Variants in ARHGAP12 observed in about 807,000 individuals in gnomAD.
The protein encoded by ARHGAP12 is rho GTPase-activating protein 12.
ARHGAP12 carries 64 observed loss-of-function variants against 108.6 expected under a neutral mutation model. The observed-to-expected ratio is 0.59, with a 90% CI of 0.48 to 0.73. ARHGAP12 has a LOEUF of 0.73. Among genes scored for constraint, ARHGAP12 ranks in the 30% least tolerant of loss-of-function variants. The pLI is 0.00. For missense variants in ARHGAP12, 940 were observed against 1,005.9 expected (o/e 0.93, Z 0.89); for synonymous variants, 312 against 337.2 (o/e 0.93, Z 0.82).
chr10:31,927,055 T>C (rs1272719991), intron 1 of ARHGAP12, among the ~76,000 whole-genome samples: 1 of 152,192 alleles, frequency 6.6e-6, no homozygotes, highest in Non-Finnish European at 1.5e-5. Context: ...ATTACACTTC[T>C]GGGGTTTCTT....
chr10:31,830,482 TAAAG>T (rs1166034181), intron 10 of ARHGAP12, among the ~76,000 whole-genome samples: 2 of 151,556 alleles, frequency 1.3e-5, no homozygotes, highest in Middle Eastern at 3.4e-3. Flanking sequence ...GAAAGAAAAA[TAAAG>T]ACTCAATTCA....
intron 10 of ARHGAP12, among the ~76,000 whole-genome samples, chr10:31,828,173 A>G (rs1054067296): frequency 1.4e-4 from 21 of 150,156 alleles, no homozygotes; most frequent in African/African-American, 4.7e-4. Flanking sequence ...TGCTACTGAT[A>G]TCCCTAGTCT....
At chr10:31,842,127 GA>G (rs922551683) in intron 7 of ARHGAP12, among the ~76,000 whole-genome samples, 16 of 151,578 alleles carry the variant, frequency 1.1e-4, no homozygotes, top group African/African-American at 3.9e-4. Flanking sequence ...TTATGATGTC[GA>G]AAAAAAGAAA....
intron 3 of ARHGAP12, among the ~76,000 whole-genome samples, chr10:31,874,195 T>C (rs1429028642): frequency 6.6e-6 from 1 of 152,210 alleles, no homozygotes; most frequent in African/African-American, 2.4e-5. Flanking sequence ...GATAAAAAAT[T>C]GATCCATAGT....
chr10:31,915,386 CAAAA>C (rs1387712452), intron 1 of ARHGAP12, among the ~76,000 whole-genome samples: 1 of 98,874 alleles, frequency 1.0e-5, no homozygotes. Context: ...AACTCTGTCT[CAAAA>C]AAAAAAAAAA....
At chr10:31,830,533 A>C (rs12248850) in intron 10 of ARHGAP12, among the ~76,000 whole-genome samples, 7,671 of 152,214 alleles carry the variant, frequency 0.05, 645 homozygotes, top group African/African-American at 0.17. Flanking sequence ...TAAGGGATAC[A>C]TAATTGTAGT....
At chr10:31,914,763 A>G (rs1839486790) in intron 1 of ARHGAP12, among the ~76,000 whole-genome samples, 2 of 152,370 alleles carry the variant, frequency 1.3e-5, no homozygotes, top group South Asian at 4.1e-4. Flanking sequence ...TGGAACTACT[A>G]TATGATCCAC....
rs545706235 is a variant in ARHGAP12 at position 31,821,792 on chromosome 10, A to G, written c.1531-1304T>C. On this transcript the variant is annotated intron_variant, in intron 11 of 19. Transcript: ENST00000344936. Reference sequence around the variant, plus strand: ...TTGTGGAATCATAATAAAAATCACAATAGAAATTGTAACTGTATTCTACAA... The same window carrying G: ...TTGTGGAATCATAATAAAAATCACAGTAGAAATTGTAACTGTATTCTACAA... 2.0e-5 allele frequency among the ~76,000 whole-genome samples: 3 copies of G among 152,312 alleles called. No homozygotes were observed. The East Asian group carries it at 5.8e-4, about 29-fold the overall frequency.
intron 1 of ARHGAP12, among the ~76,000 whole-genome samples, chr10:31,924,722 T>C (rs1367828268): frequency 2.0e-5 from 3 of 152,212 alleles, no homozygotes; most frequent in Admixed American, 2.0e-4. Flanking sequence ...TTCTGAATTC[T>C]GCTGTGGGGA....
At chr10:31,893,581 C>T (rs1019192358) in intron 3 of ARHGAP12, among the ~76,000 whole-genome samples, 1 of 152,104 alleles carries the variant, frequency 6.6e-6, no homozygotes, top group African/African-American at 2.4e-5. Context: ...CAATAACAGG[C>T]TCTGAAATAG....
intron 11 of ARHGAP12, 49 bp from the exon 12 acceptor site, chr10:31,820,537 T>G: frequency 1.9e-6 from 2 of 1,079,652 alleles, no homozygotes; most frequent in Non-Finnish European, 2.6e-6. Flanking sequence ...CTCACATATA[T>G]GTGTATTCAA....
chr10:31,883,843 A>G (rs535222296), intron 3 of ARHGAP12, among the ~76,000 whole-genome samples: 26 of 151,718 alleles, frequency 1.7e-4, no homozygotes, highest in Non-Finnish European at 3.1e-4. Context: ...TCCCAGGTAG[A>G]TGGAACTACA....
intron 6 of ARHGAP12, among the ~76,000 whole-genome samples, chr10:31,845,343 TTTC>T (rs1836414430): frequency 6.6e-6 from 1 of 152,232 alleles, no homozygotes; most frequent in Non-Finnish European, 1.5e-5. Flanking sequence ...TTTCTTTCCT[TTTC>T]TTAATTGTTG....
chr10:31,848,438 T>C (rs1836544656), intron 6 of ARHGAP12, among the ~76,000 whole-genome samples: 1 of 152,224 alleles, frequency 6.6e-6, no homozygotes, highest in Admixed American at 6.5e-5. Flanking sequence ...AGAAAATTCC[T>C]AGAAATTATA....
rs932146499 is a variant in ARHGAP12 at position 31,810,569 on chromosome 10, A to C, written c.2050+80T>G. ...TCTGTTTGCATCACTCAAAATCATA[A>C]AAATTCTAGGAATTTTGATGGCAAA... On this transcript the variant is annotated intron_variant, in intron 16 of 19. Coordinates refer to ENST00000344936, the MANE Select transcript of ARHGAP12 (RefSeq NM_018287.7). 4.9e-6 allele frequency: 5 copies of C among 1,011,978 alleles called. No individual in the cohort carries two copies. In the Admixed American group the frequency reaches 7.5e-5, roughly 15 times the overall value. 62.7% of individuals were successfully genotyped at this position (1,011,978 alleles called of 1,614,324 possible).
intron 1 of ARHGAP12, among the ~76,000 whole-genome samples, chr10:31,921,483 A>C (rs1839804064): frequency 6.6e-6 from 1 of 152,094 alleles, no homozygotes; most frequent in Admixed American, 6.6e-5. Flanking sequence ...AAGTTTGTAG[A>C]GGTCGGGCGC....
At chr10:31,808,608 C>G (rs763492032) in intron 19 of ARHGAP12, 41 bp downstream of exon 19, 1 of 1,584,648 alleles carries the variant, frequency 6.3e-7, no homozygotes, top group South Asian at 1.1e-5. Context: ...CCCGCTTCCC[C>G]TTGTGCTATA....
chr10:31,868,348 CT>C (rs1411594525), intron 3 of ARHGAP12, among the ~76,000 whole-genome samples: 1 of 151,898 alleles, frequency 6.6e-6, no homozygotes, highest in Non-Finnish European at 1.5e-5. Context: ...TCAGTTTTCT[CT>C]GGATATTAGT....
chr10:31,877,211 A>G (rs945698115), intron 3 of ARHGAP12, among the ~76,000 whole-genome samples: 1 of 152,226 alleles, frequency 6.6e-6, no homozygotes, highest in African/African-American at 2.4e-5. Flanking sequence ...TAGCATAAAG[A>G]CGCCTGGTTC....
Sources: allele counts gnomAD v4.1 joint callset (sites outside exome capture counted in the v4.1 genomes callset), GRCh38; gene constraint gnomAD v4.1.1; transcripts MANE v1.5; gene names NCBI Gene and HGNC (gene_info 2026-07-23, HGNC 2026-07-21).